The following ABCB5 variants were observed in gnomAD, a reference collection of about 807,000 sequenced individuals.
ABCB5 encodes ATP-binding cassette sub-family B member 5.
A neutral mutation model predicts 144.2 loss-of-function variants in ABCB5; 155 were observed. That is an observed-to-expected ratio of 1.08 (90% confidence interval 0.94 to 1.23). ABCB5 has a LOEUF of 1.23. Among genes scored for constraint, ABCB5 ranks in the 50% most tolerant of loss-of-function variants. ABCB5 has a pLI of 0.00. For synonymous variants in ABCB5, 610 were observed against 528.6 expected, an observed-to-expected ratio of 1.15 and a Z score of -2.11; for missense variants, 1,830 against 1,520.8, an observed-to-expected ratio of 1.20 and a Z score of -3.38.
intron 1 of ABCB5, among the ~76,000 whole-genome samples, chr7:20,616,819 C>A (rs1417509019): frequency 6.6e-6 from 1 of 152,222 alleles, no homozygotes; most frequent in Non-Finnish European, 1.5e-5. Context: ...CATAGTCAAC[C>A]TGTAGCTTTC....
intron 14 of ABCB5, chr7:20,660,274 T>G: frequency 1.0e-6 from 1 of 985,290 alleles, no homozygotes; most frequent in Non-Finnish European, 1.2e-6. Context: ...AGGCAATATA[T>G]GAAAATAATA....
chr7:20,708,889 T>C (rs1224296142), intron 20 of ABCB5, among the ~76,000 whole-genome samples: 2 of 152,208 alleles, frequency 1.3e-5, no homozygotes, highest in Non-Finnish European at 2.9e-5. Flanking sequence ...TGTACTTATT[T>C]TTTTTCCTCA....
chr7:20,703,614 G>GA (rs1228396010), intron 19 of ABCB5, among the ~76,000 whole-genome samples: 2 of 46,780 alleles, frequency 4.3e-5, no homozygotes, highest in Non-Finnish European at 1.0e-4. Flanking sequence ...AGTAAGCCAA[G>GA]ATTTTTTTGT....
At chr7:20,713,582 T>A (rs182329962) in intron 20 of ABCB5, among the ~76,000 whole-genome samples, 1 of 149,732 alleles carries the variant, frequency 6.7e-6, no homozygotes, top group Non-Finnish European at 1.5e-5. Context: ...ATTTAAAATT[T>A]TTGGTGCTGG....
chr7:20,728,279 C>A, intron 22 of ABCB5, 36 bp from the exon 23 acceptor site: 2 of 1,606,090 alleles, frequency 1.2e-6, no homozygotes, highest in Admixed American at 1.7e-5. Flanking sequence ...TGCTATAATT[C>A]ATGCCTCATT....
chr7:20,692,782 T>G (rs1167853060), intron 16 of ABCB5, among the ~76,000 whole-genome samples: 1 of 152,112 alleles, frequency 6.6e-6, no homozygotes, highest in African/African-American at 2.4e-5. Context: ...TAACATTGTC[T>G]GAAGGTAGAT....
rs374682868 is a variant in ABCB5, at chr7:20,647,342, T to C, written c.982-193T>C. On this transcript the variant is annotated intron_variant, in intron 9 of 27. Transcript: ENST00000404938. ...GGATACTTGGATTAATCTGTGTTTC[T>C]ATTGCTTCTCGGCCTTTTGGCTAAG... 9 of 1,340,160 alleles carry C rather than the reference T, an allele frequency of 6.7e-6. No homozygotes were observed. The African/African-American group carries it at 1.4e-4, about 20-fold the overall frequency. 83.0% of individuals were successfully genotyped at this position (1,340,160 alleles called of 1,614,324 possible).
chr7:20,674,785 A>C (rs976948344), intron 14 of ABCB5, among the ~76,000 whole-genome samples: 27 of 120,376 alleles, frequency 2.2e-4, no homozygotes, highest in Admixed American at 8.0e-4. Flanking sequence ...CACACACACA[A>C]ACTGTTAGAA....
At chr7:20,690,415 G>A (rs1786179250) in intron 16 of ABCB5, among the ~76,000 whole-genome samples, 1 of 152,172 alleles carries the variant, frequency 6.6e-6, no homozygotes, top group South Asian at 2.1e-4. Flanking sequence ...CTTTCTTGGA[G>A]TCCTATGTAT....
At chr7:20,677,738 T>A (rs1562557198) in intron 14 of ABCB5, among the ~76,000 whole-genome samples, 1 of 152,044 alleles carries the variant, frequency 6.6e-6, no homozygotes, top group Non-Finnish European at 1.5e-5. Context: ...CAATAATTAA[T>A]TAATTAATTT....
rs1583474088 is a variant in ABCB5, at chr7:20,756,574, C to CATTGAACCT, written c.*951_*952insTTGAACCTA. 2 of 150,354 alleles carry CATTGAACCT rather than the reference C, an allele frequency of 1.3e-5. No individual in the cohort carries two copies. Among genetic ancestry groups the CATTGAACCT allele is most frequent in the East Asian group, 3.9e-4 (2 of 5,100 alleles). 9.3% of individuals were successfully genotyped at this position (150,354 alleles called of 1,614,324 possible). A position where few individuals can be genotyped will look rare whatever the true frequency, so the allele number is the denominator to read the frequency against. On this transcript the variant is annotated 3_prime_UTR_variant, in exon 28 of 28. Coordinates refer to ENST00000404938, the MANE Select transcript of ABCB5 (RefSeq NM_001163941.2). ...AGGAGAATCATTTGAACCTAGGAGG[C>CATTGAACCT]AGAGGTTGCAGTGAGCCGAGATCTC... is the stretch of plus-strand genomic sequence containing the variant.
chr7:20,660,043 C>G (rs6947250), intron 14 of ABCB5: 202,605 of 980,678 alleles, frequency 0.21, 21,710 homozygotes, highest in African/African-American at 0.26. Flanking sequence ...TAGAAGGTTT[C>G]ATGTTGTGCC....
At chr7:20,637,580 C>A (rs757296224) in intron 5 of ABCB5, among the ~76,000 whole-genome samples, 2 of 152,030 alleles carry the variant, frequency 1.3e-5, no homozygotes. Flanking sequence ...GCCTCCATGC[C>A]TGGCTAATTT....
rs3033483 is a variant in ABCB5 at position 20,628,613 on chromosome 7, TTGTG to T, written c.109-60_109-57del. On this transcript the variant is annotated intron_variant, in intron 3 of 27. Transcript: ENST00000404938. ...ACTAGGTGGCAAAGGCTGTAGGCTG[TTGTG>T]TGTGTGTGTGTGTGCTTGGTGTGTT... 105 of 1,356,042 alleles carry T rather than the reference TTGTG, an allele frequency of 7.7e-5. No homozygotes were observed. The South Asian group carries it at 9.2e-4, about 12-fold the overall frequency. 84.0% of individuals were successfully genotyped at this position (1,356,042 alleles called of 1,614,324 possible). A position where few individuals can be genotyped will look rare whatever the true frequency, so the allele number is the denominator to read the frequency against.
chr7:20,657,964 A>G (rs1784865074), intron 13 of ABCB5, among the ~76,000 whole-genome samples: 1 of 152,186 alleles, frequency 6.6e-6, no homozygotes, highest in South Asian at 2.1e-4. Context: ...CAAAATATCT[A>G]CTTTGTTAAA....
At chr7:20,663,159 T>G (rs1375358054) in intron 14 of ABCB5, among the ~76,000 whole-genome samples, 3 of 152,208 alleles carry the variant, frequency 2.0e-5, no homozygotes, top group African/African-American at 7.2e-5. Context: ...AAGATTACAC[T>G]GCCGGGAGGT....
intron 1 of ABCB5, among the ~76,000 whole-genome samples, chr7:20,616,169 G>A (rs1222332305): frequency 6.6e-6 from 1 of 152,164 alleles, no homozygotes; most frequent in Non-Finnish European, 1.5e-5. Flanking sequence ...CTGAGTAGCT[G>A]GGATTGCAGG....
At chr7:20,746,715 A>C (rs1782735380) in intron 26 of ABCB5, among the ~76,000 whole-genome samples, 1 of 152,240 alleles carries the variant, frequency 6.6e-6, no homozygotes. Context: ...AAATCCAAAA[A>C]CAGTGCACAG....
At chr7:20,626,534 C>A (rs957672966) in intron 2 of ABCB5, 23 bp from the exon 3 acceptor site, 11 of 1,593,706 alleles carry the variant, frequency 6.9e-6, no homozygotes, top group Non-Finnish European at 9.4e-6. Context: ...GTAACTGCTG[C>A]ATTTTGAACT....
Sources: allele counts gnomAD v4.1 joint callset (sites outside exome capture counted in the v4.1 genomes callset), GRCh38; gene constraint gnomAD v4.1.1; transcripts MANE v1.5; gene names NCBI Gene and HGNC (gene_info 2026-07-23, HGNC 2026-07-21).